Variants in FOXP2 observed in about 807,000 individuals in gnomAD.
FOXP2 encodes the protein forkhead box protein P2.
FOXP2 carries 12 observed loss-of-function variants against 115.8 expected under a neutral mutation model. The observed-to-expected ratio is 0.10, with a 90% CI of 0.07 to 0.17. The LOEUF is 0.17. Among genes scored for constraint, FOXP2 ranks in the 10% least tolerant of loss-of-function variants. The pLI is 1.00. For missense variants in FOXP2, 629 were observed against 843.5 expected (o/e 0.75, Z 3.15); for synonymous variants, 328 against 297.7 (o/e 1.10, Z -1.05).
At chr7:114,453,352 A>AT (rs201703522) in intron 2 of FOXP2, among the ~76,000 whole-genome samples, 42 of 151,530 alleles carry the variant, frequency 2.8e-4, no homozygotes, top group Admixed American at 5.3e-4. Context: ...AAGTCCTTTG[A>AT]TTTTTTTTTG....
intron 3 of FOXP2, among the ~76,000 whole-genome samples, chr7:114,573,163 T>C (rs1801406236): frequency 6.6e-6 from 1 of 151,806 alleles, no homozygotes; most frequent in African/African-American, 2.4e-5. Context: ...ATCTTGGTCA[T>C]TGAGTGACTT....
intron 2 of FOXP2, among the ~76,000 whole-genome samples, chr7:114,430,467 G>C (rs1373128634): frequency 6.6e-6 from 1 of 151,686 alleles, no homozygotes; most frequent in African/African-American, 2.4e-5. Flanking sequence ...TTTAGACATT[G>C]TTTGACTAGA....
chr7:114,334,943 ATAT>A (rs1167409373), intron 2 of FOXP2, among the ~76,000 whole-genome samples: 1 of 144,572 alleles, frequency 6.9e-6, no homozygotes, highest in African/African-American at 2.5e-5. Context: ...ATATATATAT[ATAT>A]ATATATATAT....
intron 1 of FOXP2, among the ~76,000 whole-genome samples, chr7:114,203,755 G>GT (rs1054910388): frequency 5.9e-5 from 9 of 152,244 alleles, no homozygotes; most frequent in African/African-American, 1.2e-4. Context: ...TCGACTGCCT[G>GT]TTTTTTGCCA....
intron 8 of FOXP2, among the ~76,000 whole-genome samples, chr7:114,646,383 G>T (rs1453699626): frequency 6.6e-6 from 1 of 151,890 alleles, no homozygotes; most frequent in Non-Finnish European, 1.5e-5. Context: ...ATTTAATTTA[G>T]CTCAAATATT....
At chr7:114,280,071 C>CAAATAAATAAA (rs1796288887) in intron 1 of FOXP2, among the ~76,000 whole-genome samples, 1 of 142,550 alleles carries the variant, frequency 7.0e-6, no homozygotes, top group Admixed American at 7.5e-5. Context: ...CTACCAGACT[C>CAAATAAATAAA]TCAGGCAAAT....
chr7:114,399,817 C>A (rs984564665), intron 2 of FOXP2, among the ~76,000 whole-genome samples: 2 of 151,522 alleles, frequency 1.3e-5, no homozygotes, highest in Non-Finnish European at 2.9e-5. Context: ...TACATCCAAA[C>A]CTTAATTTCG....
intron 1 of FOXP2, among the ~76,000 whole-genome samples, chr7:114,253,214 A>G (rs1288777204): frequency 1.3e-5 from 2 of 152,198 alleles, no homozygotes; most frequent in East Asian, 3.8e-4. Flanking sequence ...ACTTTCAAGT[A>G]TGTGGTCAAT....
intron 16 of FOXP2, chr7:114,666,972 C>T (rs1338256751): frequency 1.3e-5 from 2 of 152,050 alleles, no homozygotes; most frequent in Admixed American, 1.3e-4. Flanking sequence ...CCTGTAATAC[C>T]TCACTGTTAC....
At chr7:114,449,092 T>G (rs547977483) in intron 2 of FOXP2, among the ~76,000 whole-genome samples, 1 of 152,218 alleles carries the variant, frequency 6.6e-6, no homozygotes, top group Non-Finnish European at 1.5e-5. Context: ...AGCATTGTTG[T>G]GAGAACTAAA....
In FOXP2 at chr7:114,137,534, A is replaced by G. The variant is rs571655746; in HGVS notation, c.-246-25410A>G. On this transcript the variant is annotated intron_variant, in intron 1 of 19. Transcript: ENST00000635638. ...TGCTTTTGGTATCACTGTAGGACAC[A>G]TAGCATTGTAAGCTTTTTGAGTTCA... 6.1e-4 allele frequency among the ~76,000 whole-genome samples: 93 copies of G among 152,298 alleles called. 1 individual carries two copies. Among genetic ancestry groups the G allele is most frequent in the African/African-American group, 2.2e-3 (93 of 41,592 alleles).
At chr7:114,555,097 C>T (rs1800394452) in intron 3 of FOXP2, among the ~76,000 whole-genome samples, 1 of 152,118 alleles carries the variant, frequency 6.6e-6, no homozygotes, top group African/African-American at 2.4e-5. Flanking sequence ...ATACTTTTTT[C>T]TCTAATAAAA....
intron 8 of FOXP2, chr7:114,645,189 CAT>C (rs1342961491): frequency 7.2e-5 from 6 of 83,342 alleles, no homozygotes; most frequent in African/African-American, 2.2e-4. Flanking sequence ...TTTCAGTAAA[CAT>C]ATTTTGAAAG....
intron 2 of FOXP2, among the ~76,000 whole-genome samples, chr7:114,398,721 A>C (rs1264005770): frequency 6.6e-6 from 1 of 152,244 alleles, no homozygotes; most frequent in Non-Finnish European, 1.5e-5. Context: ...GAAACACAGA[A>C]ATGTGTCTTG....
At chr7:114,500,215 C>CAAAA (rs760392447) in intron 2 of FOXP2, among the ~76,000 whole-genome samples, 3 of 50,912 alleles carry the variant, frequency 5.9e-5, no homozygotes, top group African/African-American at 1.3e-4. Flanking sequence ...GACTCCATCT[C>CAAAA]AAAAAAAAAA....
intron 1 of FOXP2, among the ~76,000 whole-genome samples, chr7:114,097,014 A>G (rs1692359312): frequency 1.3e-5 from 2 of 152,166 alleles, no homozygotes; most frequent in African/African-American, 2.4e-5. Context: ...ACTTTATTGT[A>G]GAAATTATGC....
intron 2 of FOXP2, among the ~76,000 whole-genome samples, chr7:114,462,176 G>A (rs1183107236): frequency 2.0e-5 from 3 of 148,614 alleles, no homozygotes. Context: ...AGCTACTCGG[G>A]AGGCTGAGGC....
intron 14 of FOXP2, among the ~76,000 whole-genome samples, chr7:114,662,427 C>T (rs1451899153): frequency 7.2e-5 from 11 of 151,922 alleles, no homozygotes; most frequent in African/African-American, 2.2e-4. Context: ...AGCATTTCTA[C>T]GTGTATCAAA....
intron 3 of FOXP2, among the ~76,000 whole-genome samples, chr7:114,623,021 A>G (rs937118375): frequency 5.9e-5 from 9 of 151,888 alleles, no homozygotes; most frequent in Admixed American, 4.6e-4. Flanking sequence ...TGTCTCCCAA[A>G]TGAGCACTCA....
Sources: gnomAD v4.1 joint callset for allele counts (sites outside exome capture counted in the v4.1 genomes callset) on GRCh38, gnomAD v4.1.1 for gene constraint, MANE v1.5 for transcripts, NCBI Gene and HGNC (gene_info 2026-07-23, HGNC 2026-07-21) for gene names.